SYNPR: variants seen among roughly 807,000 people sequenced by gnomAD.
SYNPR encodes the protein synaptoporin.
In SYNPR, 23 loss-of-function variants were observed where a neutral mutation model predicts 32.9. The observed-to-expected ratio is 0.70, with a 90% CI of 0.50 to 0.99. The LOEUF is 0.99. Ranked by LOEUF, SYNPR falls within the 50% of genes least tolerant of loss-of-function variation. The pLI, the probability that SYNPR is intolerant of heterozygous loss-of-function variation, is 0.00. For missense variants in SYNPR, 318 were observed against 349.3 expected (o/e 0.91, Z 0.71); for synonymous variants, 146 against 135.9 (o/e 1.07, Z -0.52).
chr3:63,485,469 C>T (rs1252013962), intron 3 of SYNPR, among the ~76,000 whole-genome samples: 1 of 151,978 alleles, frequency 6.6e-6, no homozygotes, highest in Non-Finnish European at 1.5e-5. Flanking sequence ...AAGAAAAAGC[C>T]ATCGAATATA....
intron 2 of SYNPR, among the ~76,000 whole-genome samples, chr3:63,450,849 G>A (rs538991999): frequency 6.1e-4 from 93 of 152,282 alleles, no homozygotes; most frequent in African/African-American, 2.1e-3. Context: ...CTTTTGATGA[G>A]CTGTTAAAAG....
intron 2 of SYNPR, among the ~76,000 whole-genome samples, chr3:63,406,601 A>G (rs2088363768): frequency 6.6e-6 from 1 of 152,150 alleles, no homozygotes; most frequent in Admixed American, 6.6e-5. Flanking sequence ...CAGAGAGGAA[A>G]AGAAGACAGA....
intron 1 of SYNPR, among the ~76,000 whole-genome samples, chr3:63,236,087 A>G (rs1300108910): frequency 6.7e-6 from 1 of 149,326 alleles, no homozygotes; most frequent in African/African-American, 2.5e-5. Flanking sequence ...TTCTTTATGG[A>G]TGCCCAATTA....
chr3:63,457,914 C>T (rs1700513974), intron 2 of SYNPR, among the ~76,000 whole-genome samples: 1 of 152,134 alleles, frequency 6.6e-6, no homozygotes, highest in African/African-American at 2.4e-5. Context: ...AAATTTGATA[C>T]TGATTTACTC....
At chr3:63,431,156 C>T (rs1320984683) in intron 2 of SYNPR, among the ~76,000 whole-genome samples, 1 of 152,184 alleles carries the variant, frequency 6.6e-6, no homozygotes, top group African/African-American at 2.4e-5. Flanking sequence ...CTTATGAACT[C>T]ACTGGTGCTA....
chr3:63,523,262 A>G (rs1295733798), intron 3 of SYNPR, among the ~76,000 whole-genome samples: 4 of 152,072 alleles, frequency 2.6e-5, no homozygotes, highest in Admixed American at 2.6e-4. Flanking sequence ...TGCCCTTCCA[A>G]GTCCACTCTC....
At chr3:63,361,827 T>C (rs1388255493) in intron 2 of SYNPR, among the ~76,000 whole-genome samples, 1 of 152,082 alleles carries the variant, frequency 6.6e-6, no homozygotes, top group African/African-American at 2.4e-5. Flanking sequence ...TATATATATA[T>C]GCATGAGTAT....
chr3:63,456,490 C>T (rs1296021577), intron 2 of SYNPR, among the ~76,000 whole-genome samples: 1 of 152,036 alleles, frequency 6.6e-6, no homozygotes, highest in East Asian at 1.9e-4. Flanking sequence ...TTGAGCCCTT[C>T]AGGCACAAGG....
At chr3:63,511,385 A>G (rs147345258) in intron 3 of SYNPR, among the ~76,000 whole-genome samples, 16 of 152,296 alleles carry the variant, frequency 1.1e-4, no homozygotes, top group South Asian at 2.1e-4. Flanking sequence ...GTGACATTTT[A>G]ACAAACCATT....
intron 2 of SYNPR, among the ~76,000 whole-genome samples, chr3:63,458,139 G>A (rs1190299624): frequency 6.6e-6 from 1 of 152,072 alleles, no homozygotes; most frequent in Non-Finnish European, 1.5e-5. Context: ...TAAAGTCTCA[G>A]AAATCTGCTA....
At chr3:63,522,998 G>GA (rs1701943706) in intron 3 of SYNPR, among the ~76,000 whole-genome samples, 1 of 152,160 alleles carries the variant, frequency 6.6e-6, no homozygotes, top group Non-Finnish European at 1.5e-5. Flanking sequence ...TGAGGAGGCT[G>GA]ATGTGAGTCC....
chr3:63,441,651 G>A (rs566146519), intron 2 of SYNPR, among the ~76,000 whole-genome samples: 19 of 152,260 alleles, frequency 1.2e-4, no homozygotes, highest in Non-Finnish European at 2.2e-4. Context: ...TCATTGAAGT[G>A]CAGAGATTTG....
chr3:63,250,188 A>G (rs763644601), intron 1 of SYNPR, among the ~76,000 whole-genome samples: 6 of 152,184 alleles, frequency 3.9e-5, no homozygotes, highest in Non-Finnish European at 8.8e-5. Context: ...AGAATTATGA[A>G]TGTTCAGACC....
chr3:63,433,295 C>T (rs749184583), intron 2 of SYNPR, among the ~76,000 whole-genome samples: 9 of 152,152 alleles, frequency 5.9e-5, no homozygotes, highest in Non-Finnish European at 1.0e-4. Flanking sequence ...TCAGAATGTC[C>T]TGTTCTTCAG....
intron 3 of SYNPR, among the ~76,000 whole-genome samples, chr3:63,485,260 A>T (rs1343746568): frequency 6.6e-6 from 1 of 152,156 alleles, no homozygotes; most frequent in African/African-American, 2.4e-5. Context: ...CAAAAGGAGA[A>T]GACCAAATGG....
At chr3:63,531,665 A>G (rs980135164) in intron 3 of SYNPR, among the ~76,000 whole-genome samples, 7 of 152,172 alleles carry the variant, frequency 4.6e-5, no homozygotes, top group African/African-American at 1.7e-4. Context: ...ATATGTTTGC[A>G]CTCATTGGGC....
chr3:63,333,035 C>G (rs954660817), intron 2 of SYNPR, among the ~76,000 whole-genome samples: 1 of 152,160 alleles, frequency 6.6e-6, no homozygotes, highest in Non-Finnish European at 1.5e-5. Context: ...CAAAAATCAT[C>G]ACTGGCTGAG....
intron 2 of SYNPR, among the ~76,000 whole-genome samples, chr3:63,419,543 A>C (rs1382781748): frequency 6.6e-6 from 1 of 151,962 alleles, no homozygotes; most frequent in Non-Finnish European, 1.5e-5. Context: ...AAAGTTTTTT[A>C]TTTTTTTTCT....
At chr3:63,425,658 T>C (rs1436793527) in intron 2 of SYNPR, among the ~76,000 whole-genome samples, 1 of 152,192 alleles carries the variant, frequency 6.6e-6, no homozygotes, top group Non-Finnish European at 1.5e-5. Flanking sequence ...TTACTATCTG[T>C]GTGACCTTAG....
Sources: allele counts gnomAD v4.1 joint callset (sites outside exome capture counted in the v4.1 genomes callset), GRCh38; gene constraint gnomAD v4.1.1; transcripts MANE v1.5; gene names NCBI Gene and HGNC (gene_info 2026-07-23, HGNC 2026-07-21).